Variants in ME1 observed in about 807,000 individuals in gnomAD.
The protein encoded by ME1 is NADP-dependent malic enzyme.
Under a neutral mutation model 66.4 loss-of-function variants are expected in ME1, and 74 were observed. The observed-to-expected ratio is 1.11, with a 90% CI of 0.92 to 1.35. ME1 has a LOEUF of 1.35. ME1 is among the 40% of genes most tolerant of loss of function. The pLI, the probability that ME1 is intolerant of heterozygous loss-of-function variation, is 0.00. For synonymous variants in ME1, 251 were observed against 235.6 expected (o/e 1.07, Z -0.60); for missense variants, 750 against 694.1 (o/e 1.08, Z -0.90).
intron 6 of ME1, among the ~76,000 whole-genome samples, chr6:83,290,634 A>G (rs1257774272): frequency 2.0e-5 from 3 of 152,176 alleles, no homozygotes; most frequent in African/African-American, 4.8e-5. Flanking sequence ...GTAGATGTCT[A>G]TTAGGTCCAC....
At chr6:83,368,229 A>T (rs946670546) in intron 3 of ME1, among the ~76,000 whole-genome samples, 3 of 152,040 alleles carry the variant, frequency 2.0e-5, no homozygotes, top group African/African-American at 7.3e-5. Flanking sequence ...TATAAAAGTT[A>T]TAATAATAAC....
chr6:83,260,895 T>C (rs550852251), intron 6 of ME1, among the ~76,000 whole-genome samples: 108 of 147,856 alleles, frequency 7.3e-4, no homozygotes, highest in Admixed American at 1.2e-3. Flanking sequence ...TTTGCTATTG[T>C]GAGTAGTGCT....
intron 12 of ME1, among the ~76,000 whole-genome samples, chr6:83,219,740 ATTTTTTT>A (rs11324255): frequency 1.5e-5 from 2 of 133,210 alleles, no homozygotes; most frequent in Admixed American, 7.8e-5. Context: ...TGCCCAACTA[ATTTTTTT>A]TTTTTTTTTT....
At chr6:83,308,880 T>C (rs1767876231) in intron 6 of ME1, among the ~76,000 whole-genome samples, 1 of 151,878 alleles carries the variant, frequency 6.6e-6, no homozygotes, top group South Asian at 2.1e-4. Context: ...AAGAAGGCCT[T>C]ATTGAGAAAA....
At position 83,407,295 on chromosome 6, in the gene ME1, T is replaced by C. The variant is rs544189240; in HGVS notation, c.212+473A>G. ...GTGAGATAGAGCCTGAATTTCAATC[T>C]AAGGTTATCTAAACCCAAAGGTAGG... On this transcript the variant is annotated intron_variant, in intron 2 of 13. Coordinates refer to ENST00000369705, the MANE Select transcript of ME1 (RefSeq NM_002395.6). 7.2e-5 allele frequency among the ~76,000 whole-genome samples: 11 copies of C among 152,332 alleles called. No homozygotes were observed. The South Asian group carries it at 1.0e-3, about 14-fold the overall frequency.
chr6:83,313,000 G>A (rs1015772402), intron 6 of ME1, among the ~76,000 whole-genome samples: 2 of 152,122 alleles, frequency 1.3e-5, no homozygotes, highest in African/African-American at 4.8e-5. Context: ...CAAGTGATCT[G>A]CTTGCCTCGG....
At chr6:83,389,021 A>G (rs1453393296) in intron 3 of ME1, among the ~76,000 whole-genome samples, 1 of 152,166 alleles carries the variant, frequency 6.6e-6, no homozygotes, top group African/African-American at 2.4e-5. Context: ...TGGGAGGCTG[A>G]GGCAGGAGAA....
intron 9 of ME1, chr6:83,229,242 T>C: frequency 2.3e-6 from 1 of 433,768 alleles, no homozygotes; most frequent in Non-Finnish European, 4.4e-6. Context: ...ATGCAAAATA[T>C]AATTTAAATA....
At chr6:83,358,335 G>A (rs1282973570) in intron 3 of ME1, among the ~76,000 whole-genome samples, 1 of 152,048 alleles carries the variant, frequency 6.6e-6, no homozygotes, top group East Asian at 1.9e-4. Context: ...GTGAACCAAC[G>A]ACCATAATAA....
At chr6:83,369,813 A>G (rs1251887095) in intron 3 of ME1, among the ~76,000 whole-genome samples, 2 of 152,194 alleles carry the variant, frequency 1.3e-5, no homozygotes, top group Non-Finnish European at 2.9e-5. Context: ...AAAACTTGAC[A>G]GTCAACTATA....
chr6:83,212,448 A>G (rs1789910480), intron 13 of ME1, among the ~76,000 whole-genome samples: 1 of 152,120 alleles, frequency 6.6e-6, no homozygotes, highest in Non-Finnish European at 1.5e-5. Flanking sequence ...CTAAACTTGA[A>G]CCTTGAATTT....
intron 5 of ME1, among the ~76,000 whole-genome samples, chr6:83,318,152 C>A (rs1317073265): frequency 6.7e-6 from 1 of 148,944 alleles, no homozygotes; most frequent in African/African-American, 2.5e-5. Context: ...AAAATCAATT[C>A]AAGATGGATT....
At chr6:83,377,128 C>T (rs976548978) in intron 3 of ME1, among the ~76,000 whole-genome samples, 3 of 152,102 alleles carry the variant, frequency 2.0e-5, no homozygotes, top group Admixed American at 1.3e-4. Context: ...GAAAAAATAA[C>T]AGATATTAGA....
intron 2 of ME1, among the ~76,000 whole-genome samples, chr6:83,403,676 G>T (rs1028635621): frequency 6.6e-6 from 1 of 151,964 alleles, no homozygotes; most frequent in Non-Finnish European, 1.5e-5. Flanking sequence ...GACAGGCCCT[G>T]GTGTGTGATG....
intron 2 of ME1, among the ~76,000 whole-genome samples, chr6:83,405,760 C>T (rs1444245322): frequency 3.7e-5 from 5 of 134,722 alleles, no homozygotes; most frequent in South Asian, 2.3e-4. Flanking sequence ...CTCGCTCTGT[C>T]GCCCAGGCTG....
chr6:83,216,055 T>C (rs192159156), intron 13 of ME1, among the ~76,000 whole-genome samples: 1 of 152,310 alleles, frequency 6.6e-6, no homozygotes, highest in African/African-American at 2.4e-5. Flanking sequence ...CCCAGTATTA[T>C]CAGTTGTGAT....
At chr6:83,401,243 G>A (rs952137316) in intron 2 of ME1, among the ~76,000 whole-genome samples, 44 of 152,190 alleles carry the variant, frequency 2.9e-4, no homozygotes, top group African/African-American at 9.9e-4. Flanking sequence ...GGTGAGGCAG[G>A]AGAACTGTTT....
intron 5 of ME1, among the ~76,000 whole-genome samples, chr6:83,340,146 A>G (rs912038327): frequency 5.3e-5 from 8 of 152,292 alleles, no homozygotes; most frequent in Admixed American, 2.0e-4. Context: ...ACTGAGTGCT[A>G]TAATTTGACC....
intron 9 of ME1, among the ~76,000 whole-genome samples, chr6:83,231,987 T>C (rs1308330089): frequency 6.6e-6 from 1 of 152,202 alleles, no homozygotes; most frequent in Non-Finnish European, 1.5e-5. Flanking sequence ...CAGATTTAAT[T>C]ACTACCTTTT....
Sources: gnomAD v4.1 joint callset for allele counts (sites outside exome capture counted in the v4.1 genomes callset) on GRCh38, gnomAD v4.1.1 for gene constraint, MANE v1.5 for transcripts, NCBI Gene and HGNC (gene_info 2026-07-23, HGNC 2026-07-21) for gene names.